Variants in WLS observed in about 807,000 individuals in gnomAD.
The protein encoded by WLS is protein wntless homolog.
A neutral mutation model predicts 62.8 loss-of-function variants in WLS; 23 were observed. That is an observed-to-expected ratio of 0.37 (90% CI 0.26 to 0.52). WLS has a LOEUF of 0.52. Ranked by LOEUF, WLS falls within the 20% of genes least tolerant of loss-of-function variation. WLS has a pLI of 0.92. For synonymous variants in WLS, 246 were observed against 244.1 expected, an observed-to-expected ratio of 1.01 and a Z score of -0.07; for missense variants, 615 against 697.3, an observed-to-expected ratio of 0.88 and a Z score of 1.33.
At chr1:68,141,654 C>T (rs1217368059) in intron 10 of WLS, 2 of 152,166 alleles carry the variant, frequency 1.3e-5, no homozygotes. Context: ...CAAGCTCTCC[C>T]ACAGCAAGCC....
intron 11 of WLS, among the ~76,000 whole-genome samples, chr1:68,130,584 G>A (rs1174981733): frequency 3.9e-5 from 6 of 152,122 alleles, no homozygotes; most frequent in Admixed American, 3.9e-4. Flanking sequence ...TTGTAACGAA[G>A]TCTCTGGTTC....
intron 11 of WLS, among the ~76,000 whole-genome samples, chr1:68,110,657 GTCTCTC>G (rs55965951): frequency 0.067 from 7,593 of 113,976 alleles, 448 homozygotes; most frequent in African/African-American, 0.17. Context: ...AAAAATCTCT[GTCTCTC>G]TCTCTCTCTC....
In WLS at chr1:68,126,320, TG is replaced by T. The variant is rs1557458625; in HGVS notation, c.1531del (p.His511IlefsTer24). On this transcript the variant is annotated frameshift_variant, in exon 12 of 12. Coordinates refer to ENST00000262348, the MANE Select transcript of WLS (RefSeq NM_024911.7). LOFTEE classifies it high-confidence loss of function. Reference protein sequence around the residue: ...EDQSNGDLGVHSGEELQLTTT... With the variant: ...EDQSNGDLGVXSGEELQLTTT... ...GGTGAGCTGGAGTTCTTCCCCACTA[TG>T]GACACCCAGATCGCCTGAAACAGGG... 1 of 1,614,088 alleles carries T rather than the reference TG, an allele frequency of 6.2e-7. No individual in the cohort carries two copies. Among genetic ancestry groups the T allele is most frequent in the Admixed American group, 1.7e-5 (1 of 60,016 alleles).
intron 11 of WLS, chr1:68,127,246 A>C (rs938584173): frequency 4.5e-6 from 1 of 221,544 alleles, no homozygotes; most frequent in Non-Finnish European, 9.5e-6. Flanking sequence ...GAAAGCAAAT[A>C]AGACCTGCTT....
At chr1:68,153,698 G>A (rs1388198717) in intron 4 of WLS, 45 bp from the exon 5 acceptor site, 1 of 1,611,312 alleles carries the variant, frequency 6.2e-7, no homozygotes, top group Admixed American at 1.7e-5. Flanking sequence ...TATTATCTTA[G>A]CATTTCCTTC....
chr1:68,134,384 G>T (rs1646575088), intron 11 of WLS, among the ~76,000 whole-genome samples: 1 of 152,194 alleles, frequency 6.6e-6, no homozygotes, highest in Non-Finnish European at 1.5e-5. Context: ...CCCACAAGCT[G>T]CCAGGGGTTC....
chr1:68,162,804 C>A (rs1260446546), intron 2 of WLS: 1 of 1,212,030 alleles, frequency 8.3e-7, no homozygotes, highest in East Asian at 2.3e-5. Context: ...CTCTCGGGGC[C>A]TTAAACTTTT....
chr1:68,198,620 A>G (rs1648813450), intron 1 of WLS, among the ~76,000 whole-genome samples: 1 of 152,166 alleles, frequency 6.6e-6, no homozygotes, highest in African/African-American at 2.4e-5. Context: ...TCTACCATGC[A>G]CTAGACACTG....
At chr1:68,174,089 G>A (rs909075339) in intron 2 of WLS, among the ~76,000 whole-genome samples, 8 of 152,156 alleles carry the variant, frequency 5.3e-5, no homozygotes, top group African/African-American at 9.7e-5. Context: ...AAGGGATTAC[G>A]GTTGGGCTTC....
chr1:68,174,312 C>T lies in WLS; in HGVS notation c.380-15065G>A, dbSNP rs535794417. Among the ~76,000 whole-genome samples the T allele has an allele frequency of 1.5e-3, 236 of 152,260 alleles. 1 individual carries two copies. Among genetic ancestry groups the T allele is most frequent in the African/African-American group, 5.4e-3 (223 of 41,528 alleles). On this transcript the variant is annotated intron_variant, in intron 2 of 11. Coordinates refer to ENST00000262348, the MANE Select transcript of WLS (RefSeq NM_024911.7). ...TGGAGTCAGGCCAGTGTTATTCACA[C>T]GAAGTATTTGTTTCATACGGCTTAT...
chr1:68,143,724 G>T (rs1175707909), intron 10 of WLS, among the ~76,000 whole-genome samples: 3 of 152,134 alleles, frequency 2.0e-5, no homozygotes, highest in Non-Finnish European at 4.4e-5. Flanking sequence ...CCTTAATGAG[G>T]AACTCACATA....
intron 10 of WLS, among the ~76,000 whole-genome samples, chr1:68,144,342 G>C (rs532068688): frequency 2.0e-4 from 31 of 152,282 alleles, no homozygotes; most frequent in African/African-American, 7.5e-4. Flanking sequence ...TCTGGCTGTA[G>C]GCTTTTAATT....
At chr1:68,132,870 G>A (rs1225706914) in intron 11 of WLS, among the ~76,000 whole-genome samples, 1 of 152,214 alleles carries the variant, frequency 6.6e-6, no homozygotes, top group Non-Finnish European at 1.5e-5. Context: ...GAGTGGGTTT[G>A]CACAGTTTTT....
At chr1:68,182,916 T>C (rs1647671723) in intron 2 of WLS, among the ~76,000 whole-genome samples, 1 of 152,210 alleles carries the variant, frequency 6.6e-6, no homozygotes, top group South Asian at 2.1e-4. Flanking sequence ...AGGTTTTTTT[T>C]GTTTGAGACA....
chr1:68,200,923 C>T (rs761502283), intron 1 of WLS, among the ~76,000 whole-genome samples: 1 of 151,716 alleles, frequency 6.6e-6, no homozygotes, highest in African/African-American at 2.4e-5. Context: ...TGGGGAGGGT[C>T]GAAAAGAGGG....
At chr1:68,160,902 T>C (rs570960576) in intron 2 of WLS, among the ~76,000 whole-genome samples, 1 of 152,328 alleles carries the variant, frequency 6.6e-6, no homozygotes, top group East Asian at 1.9e-4. Context: ...TGAAGTGCTC[T>C]TGTATAAAAT....
In WLS at chr1:68,153,528, C is replaced by T; in HGVS notation, c.792G>A (p.Val264=). The T allele has an allele frequency of 1.2e-6, 2 of 1,614,114 alleles. No homozygotes were observed. Among genetic ancestry groups the T allele is most frequent in the South Asian group, 2.2e-5 (2 of 91,068 alleles). ...RRITMMSRPP[V]LLEKVIFALG... ...AAACCAGCTCTTACTTTTCCAGAAG[C>T]ACTGGGGGTCGGGACATCATGGTGA... Residue 264 remains valine (V), a synonymous_variant, in exon 5 of 12, where the codon GTG becomes GTA. Transcript: ENST00000262348.
In WLS at chr1:68,125,475, G is replaced by A. The variant is rs115461003; in HGVS notation, c.*751C>T. On this transcript the variant is annotated 3_prime_UTR_variant, in exon 12 of 12. Transcript: ENST00000262348. ...TTGAAGTATCTTATCAAAATAAAAC[G>A]CATTTTAAGCAAGAAGTTAAAAAAG... The A allele has an allele frequency of 2.1e-5, 21 of 985,368 alleles. No homozygotes were observed. The East Asian group carries it at 7.9e-4, about 37-fold the overall frequency. 61.0% of individuals were successfully genotyped at this position (985,368 alleles called of 1,614,324 possible).
chr1:68,147,761 GT>G (rs776417733), intron 8 of WLS, among the ~76,000 whole-genome samples: 23 of 152,292 alleles, frequency 1.5e-4, no homozygotes, highest in Admixed American at 3.3e-4. Flanking sequence ...CACATAGGTG[GT>G]TTCAGAAACA....
Sources: gnomAD v4.1 joint callset for allele counts (sites outside exome capture counted in the v4.1 genomes callset) on GRCh38, gnomAD v4.1.1 for gene constraint, MANE v1.5 for transcripts, NCBI Gene and HGNC (gene_info 2026-07-23, HGNC 2026-07-21) for gene names.